LEMD3: variants seen among roughly 807,000 people sequenced by gnomAD.
The protein encoded by LEMD3 is LEM domain containing 3, also known as inner nuclear membrane protein Man1.
Under a neutral mutation model 95.2 loss-of-function variants are expected in LEMD3, and 33 were observed. That is an observed-to-expected ratio of 0.35 (90% CI 0.26 to 0.46). The LOEUF (loss-of-function observed/expected upper bound fraction) is 0.46. Ranked by LOEUF, LEMD3 falls within the 20% of genes least tolerant of loss-of-function variation. LEMD3 has a pLI of 1.00. For synonymous variants in LEMD3, 525 were observed against 474.6 expected (o/e 1.11, Z -1.38); for missense variants, 1,210 against 1,192.8 (o/e 1.01, Z -0.21).
At position 65,182,037 on chromosome 12, in the gene LEMD3, C is replaced by T. The variant is rs114025489; in HGVS notation, c.1522+10919C>T. ...ATTTTCATGAGGGTAACTACTCATA[C>T]TATGTCTGTGAGAAAACGGAAAGAT... On this transcript the variant is annotated intron_variant, in intron 1 of 12. Coordinates refer to ENST00000308330, the MANE Select transcript of LEMD3 (RefSeq NM_014319.5). Among the ~76,000 whole-genome samples, 480 of 152,048 alleles carry T rather than the reference C, an allele frequency of 3.2e-3. 3 individuals are homozygous for T. The highest frequency in any genetic ancestry group is 0.011 in the African/African-American group (453 of 41,488).
chr12:65,236,313 AGGC>A (rs1870770725), intron 4 of LEMD3, among the ~76,000 whole-genome samples: 1 of 152,168 alleles, frequency 6.6e-6, no homozygotes. Flanking sequence ...AGGCCAAGGC[AGGC>A]GGATCACTTG....
intron 1 of LEMD3, among the ~76,000 whole-genome samples, chr12:65,193,518 A>G (rs1380441822): frequency 2.6e-5 from 4 of 152,048 alleles, no homozygotes; most frequent in Non-Finnish European, 4.4e-5. Flanking sequence ...GGAAGGTCAT[A>G]TATCAGTTAA....
chr12:65,229,751 C>G (rs1257399148), intron 4 of LEMD3, among the ~76,000 whole-genome samples: 1 of 152,172 alleles, frequency 6.6e-6, no homozygotes, highest in Non-Finnish European at 1.5e-5. Flanking sequence ...AATCCCTTGT[C>G]AGATGAATAG....
chr12:65,176,775 A>G (rs991634078), intron 1 of LEMD3, among the ~76,000 whole-genome samples: 8 of 152,230 alleles, frequency 5.3e-5, no homozygotes, highest in Non-Finnish European at 1.2e-4. Context: ...TAATGCATCT[A>G]AACTAGTGTT....
At position 65,186,282 on chromosome 12, in the gene LEMD3, A is replaced by G. The variant is rs192468481; in HGVS notation, c.1522+15164A>G. On this transcript the variant is annotated intron_variant, in intron 1 of 12. Coordinates refer to ENST00000308330, the MANE Select transcript of LEMD3 (RefSeq NM_014319.5). ...GAAGAGATACTTATTCATCTAAATGATATAACTTGCGGAGCAAGCATTACT... is the reference window on the plus strand; with the variant it reads ...GAAGAGATACTTATTCATCTAAATGGTATAACTTGCGGAGCAAGCATTACT... Among the ~76,000 whole-genome samples the G allele has an allele frequency of 6.6e-5, 10 of 152,178 alleles. No homozygotes were observed. In the East Asian group the frequency reaches 1.9e-3, roughly 29 times the overall value.
chr12:65,212,233 A>C (rs553350268), intron 2 of LEMD3, among the ~76,000 whole-genome samples: 2 of 152,202 alleles, frequency 1.3e-5, no homozygotes, highest in African/African-American at 2.4e-5. Context: ...GCATGATTCA[A>C]TTACCTCCCA....
chr12:65,216,145 A>G (rs1870104233), intron 3 of LEMD3, 102 bp downstream of exon 3: 3 of 794,604 alleles, frequency 3.8e-6, no homozygotes, highest in Admixed American at 2.3e-5. Flanking sequence ...TATATTTGTG[A>G]AATATTTTTC....
chr12:65,231,231 CT>C (rs1273860738), intron 4 of LEMD3, among the ~76,000 whole-genome samples: 1 of 151,846 alleles, frequency 6.6e-6, no homozygotes. Context: ...GCTATAAAAC[CT>C]GCCGTGGTTT....
At chr12:65,231,904 C>T (rs1870641827) in intron 4 of LEMD3, among the ~76,000 whole-genome samples, 1 of 151,732 alleles carries the variant, frequency 6.6e-6, no homozygotes, top group South Asian at 2.1e-4. Flanking sequence ...ATTTCAAAAA[C>T]CGTTGAATGA....
chr12:65,199,973 GAATC>G (rs1419437328), intron 1 of LEMD3, among the ~76,000 whole-genome samples: 4 of 151,548 alleles, frequency 2.6e-5, no homozygotes, highest in Non-Finnish European at 4.4e-5. Context: ...TCCTAGAACT[GAATC>G]AAAAGGAAAA....
intron 4 of LEMD3, among the ~76,000 whole-genome samples, chr12:65,229,038 A>C (rs907688640): frequency 3.3e-5 from 5 of 152,104 alleles, no homozygotes; most frequent in African/African-American, 1.2e-4. Flanking sequence ...TTCTACCTCC[A>C]TGAGATCAAC....
intron 1 of LEMD3, among the ~76,000 whole-genome samples, chr12:65,192,395 T>C (rs1035983025): frequency 3.3e-5 from 5 of 152,184 alleles, no homozygotes; most frequent in African/African-American, 1.2e-4. Context: ...TTTTGTCCTA[T>C]ACCTGTATAG....
intron 12 of LEMD3, 46 bp from the exon 13 acceptor site, chr12:65,246,116 T>G (rs367810501): frequency 2.0e-6 from 3 of 1,473,868 alleles, no homozygotes. Flanking sequence ...TCTGCAAATA[T>G]TAAACAGTTT....
intron 8 of LEMD3, 143 bp from the exon 9 acceptor site, chr12:65,240,766 A>G: frequency 7.0e-6 from 5 of 713,150 alleles, no homozygotes; most frequent in Admixed American, 2.3e-5. Context: ...CTGAGATGAG[A>G]TATAGGCATC....
chr12:65,243,542 T>G, intron 10 of LEMD3, 73 bp downstream of exon 10: 1 of 849,864 alleles, frequency 1.2e-6, no homozygotes, highest in Non-Finnish European at 2.1e-6. Context: ...GATATTCTTA[T>G]AATGGTGTGT....
intron 4 of LEMD3, among the ~76,000 whole-genome samples, chr12:65,223,595 C>CT (rs1336891630): frequency 6.6e-6 from 1 of 151,854 alleles, no homozygotes. Flanking sequence ...CTTTTTCCAT[C>CT]TTTTGGCTGT....
chr12:65,225,379 T>C (rs1387283543), intron 4 of LEMD3, among the ~76,000 whole-genome samples: 1 of 152,208 alleles, frequency 6.6e-6, no homozygotes, highest in African/African-American at 2.4e-5. Flanking sequence ...TTTACCAATA[T>C]GTCTGTGTAG....
At position 65,246,354 on chromosome 12, in the gene LEMD3, T is replaced by C. The variant is rs943777788; in HGVS notation, c.*29T>C. 1 of 1,562,280 alleles carries C rather than the reference T, an allele frequency of 6.4e-7. No individual in the cohort carries two copies. Among genetic ancestry groups the C allele is most frequent in the African/African-American group, 1.4e-5 (1 of 73,932 alleles). ...GATTTTCTTCCATTTCTAAGACTGT[T>C]ATTTACAATAGGAAAATTCCTGTTT... On this transcript the variant is annotated 3_prime_UTR_variant, in exon 13 of 13. Transcript: ENST00000308330.
chr12:65,244,285 A>ACCC (rs932123645), intron 10 of LEMD3, among the ~76,000 whole-genome samples: 49 of 145,018 alleles, frequency 3.4e-4, no homozygotes, highest in Non-Finnish European at 2.7e-4. Flanking sequence ...ACACACACAC[A>ACCC]CCCCCCCCAC....
Sources: gnomAD v4.1 joint callset for allele counts (sites outside exome capture counted in the v4.1 genomes callset) on GRCh38, gnomAD v4.1.1 for gene constraint, MANE v1.5 for transcripts, NCBI Gene and HGNC (gene_info 2026-07-23, HGNC 2026-07-21) for gene names.